HAUS8: variants seen among roughly 807,000 people sequenced by gnomAD.
The protein encoded by HAUS8 is HAUS augmin like complex subunit 8, also known as HAUS augmin-like complex subunit 8.
HAUS8 carries 38 observed loss-of-function variants against 42.9 expected under a neutral mutation model. That is an observed-to-expected ratio of 0.89 (90% CI 0.68 to 1.16). The LOEUF is 1.16. Among genes scored for constraint, HAUS8 ranks in the 50% most tolerant of loss-of-function variants. HAUS8 has a pLI of 0.00. For synonymous variants in HAUS8, 199 were observed against 205.8 expected, an observed-to-expected ratio of 0.97 and a Z score of 0.28; for missense variants, 494 against 511.6, an observed-to-expected ratio of 0.97 and a Z score of 0.33.
chr19:17,061,611 A>G (rs1309401297), intron 4 of HAUS8, among the ~76,000 whole-genome samples: 1 of 152,210 alleles, frequency 6.6e-6, no homozygotes, highest in African/African-American at 2.4e-5. Flanking sequence ...TAGCCATGGC[A>G]TTGCGAGCAC....
In HAUS8 at chr19:17,049,793, A is replaced by G. The variant is rs1294758113; in HGVS notation, c.*80T>C. 8.4e-7 allele frequency: 1 copy of G among 1,186,812 alleles called. No homozygotes were observed. Among genetic ancestry groups the G allele is most frequent in the African/African-American group, 1.6e-5 (1 of 63,592 alleles). 73.5% of individuals were successfully genotyped at this position (1,186,812 alleles called of 1,614,324 possible). The stretch of plus-strand genomic sequence containing the variant: ...GCAAAACAGGTTTACTTTTTTATCA[A>G]ACAAGATTATCACATAAAAAATAGC... On this transcript the variant is annotated 3_prime_UTR_variant, in exon 11 of 11. Transcript: ENST00000253669.
At chr19:17,051,977 C>T (rs1161651581) in intron 10 of HAUS8, 2 of 151,884 alleles carry the variant, frequency 1.3e-5, no homozygotes, top group Admixed American at 6.6e-5. Context: ...ACTGTCTCTA[C>T]TAAAAATACA....
At chr19:17,061,153 C>T (rs1366082209) in intron 4 of HAUS8, among the ~76,000 whole-genome samples, 5 of 146,304 alleles carry the variant, frequency 3.4e-5, no homozygotes, top group Non-Finnish European at 7.5e-5. Context: ...TTTTTTGAGA[C>T]AGGGTCTTGC....
intron 9 of HAUS8, chr19:17,053,716 G>A (rs943579292): frequency 1.3e-5 from 2 of 149,356 alleles, no homozygotes; most frequent in Non-Finnish European, 3.0e-5. Flanking sequence ...AGGCTGGAGT[G>A]CAGTGGCACA....
chr19:17,065,409 G>GC (rs1396013120), intron 3 of HAUS8, among the ~76,000 whole-genome samples: 3 of 152,116 alleles, frequency 2.0e-5, no homozygotes, highest in African/African-American at 7.2e-5. Flanking sequence ...AGGAAAAAAC[G>GC]CAACAGAGGC....
chr19:17,056,236 C>T (rs1406147975), intron 8 of HAUS8, among the ~76,000 whole-genome samples: 1 of 152,228 alleles, frequency 6.6e-6, no homozygotes, highest in Non-Finnish European at 1.5e-5. Flanking sequence ...CGGTTCTAGG[C>T]TTGGGCCCTC....
At chr19:17,075,128 G>A in intron 1 of HAUS8, 2 of 536,782 alleles carry the variant, frequency 3.7e-6, no homozygotes, top group Admixed American at 3.1e-5. Flanking sequence ...TCGTAGCGGA[G>A]GAAAGCGAGG....
At chr19:17,059,481 G>A (rs1448997667) in intron 6 of HAUS8, 76 bp downstream of exon 6, 7 of 1,000,804 alleles carry the variant, frequency 7.0e-6, no homozygotes, top group African/African-American at 1.6e-5. Context: ...TGGGCACTCA[G>A]CATCTGGTTC....
rs553700158 is a variant in HAUS8, at chr19:17,075,327, C to T, written c.29+67G>A. The T allele has an allele frequency of 4.4e-5, 70 of 1,579,760 alleles. No homozygotes were observed. The African/African-American group carries it at 8.9e-4, about 20-fold the overall frequency. On this transcript the variant is annotated intron_variant, in intron 1 of 10. Coordinates refer to ENST00000253669, the MANE Select transcript of HAUS8 (RefSeq NM_033417.2). The stretch of plus-strand genomic sequence containing the variant: ...CACCCCGAGGGTCCTAACTCCCCAC[C>T]TCCGCTGCCCATCCTCTCCAGCCCT...
At chr19:17,059,723 T>C in intron 5 of HAUS8, 72 bp from the exon 6 acceptor site, 1 of 986,648 alleles carries the variant, frequency 1.0e-6, no homozygotes. Context: ...ATTTTTTTTC[T>C]AATGATGGGT....
At chr19:17,056,382 T>C (rs2057326811) in intron 8 of HAUS8, among the ~76,000 whole-genome samples, 1 of 152,174 alleles carries the variant, frequency 6.6e-6, no homozygotes, top group Non-Finnish European at 1.5e-5. Flanking sequence ...CGATTGACCC[T>C]TGAGCAACAC....
At chr19:17,052,687 G>A (rs2057294877) in intron 10 of HAUS8, 138 bp downstream of exon 10, 2 of 828,238 alleles carry the variant, frequency 2.4e-6, no homozygotes, top group African/African-American at 3.4e-5. Flanking sequence ...TGCAGCGTCT[G>A]GGAAAAGAGC....
At chr19:17,067,056 T>G (rs577013721) in intron 3 of HAUS8, among the ~76,000 whole-genome samples, 2 of 151,788 alleles carry the variant, frequency 1.3e-5, no homozygotes, top group South Asian at 4.2e-4. Context: ...AATACAAAAA[T>G]TAGCCAGGTG....
At position 17,049,972 on chromosome 19, in the gene HAUS8, G is replaced by C. The variant is rs1021528393; in HGVS notation, c.1134C>G (p.Pro378=). 8.8e-6 allele frequency: 14 copies of C among 1,599,562 alleles called. No homozygotes were observed. The highest frequency in any genetic ancestry group is 7.0e-5 in the Admixed American group (4 of 57,228). The change falls in exon 11 of 11, where the codon CCC becomes CCG. Residue 378 remains proline, a synonymous_variant. Coordinates refer to ENST00000253669, the MANE Select transcript of HAUS8 (RefSeq NM_033417.2). ...TTGGGCTGATGAACGTGGCCTGAGC[G>C]GGGGCTGACGAGGCACCCGGGTTGT... ...EDDNPGASSA[P]AQATFISPSE...
At chr19:17,062,247 C>T (rs1215873788) in intron 4 of HAUS8, among the ~76,000 whole-genome samples, 1 of 152,176 alleles carries the variant, frequency 6.6e-6, no homozygotes, top group Non-Finnish European at 1.5e-5. Context: ...CAGCCCTGCA[C>T]CCTCACCCCA....
At chr19:17,059,376 T>C (rs566067053) in intron 6 of HAUS8, among the ~76,000 whole-genome samples, 181 bp downstream of exon 6, 12 of 152,340 alleles carry the variant, frequency 7.9e-5, no homozygotes, top group African/African-American at 2.9e-4. Flanking sequence ...GAATGTGTAC[T>C]TGGGGAAATG....
chr19:17,072,141 T>A (rs1475283876), intron 2 of HAUS8, among the ~76,000 whole-genome samples: 2 of 152,046 alleles, frequency 1.3e-5, no homozygotes, highest in East Asian at 3.9e-4. Flanking sequence ...TGGGAATAAG[T>A]GGTCAGGAAA....
intron 5 of HAUS8, 40 bp downstream of exon 5, chr19:17,059,957 C>G: frequency 7.0e-7 from 1 of 1,434,726 alleles, no homozygotes; most frequent in South Asian, 1.1e-5. Context: ...CCTACTGCAA[C>G]CCCCAGTGAG....
upstream of HAUS8, chr19:17,075,488 G>T: frequency 6.3e-7 from 1 of 1,583,432 alleles, no homozygotes; most frequent in South Asian, 1.1e-5. Context: ...CCCCTTGCTT[G>T]CGGGTCGGAC....
Sources: allele counts gnomAD v4.1 joint callset (sites outside exome capture counted in the v4.1 genomes callset), GRCh38; gene constraint gnomAD v4.1.1; transcripts MANE v1.5; gene names NCBI Gene and HGNC (gene_info 2026-07-23, HGNC 2026-07-21).